Variants in KIAA2012 observed in about 807,000 individuals in gnomAD.
KIAA2012 encodes uncharacterized protein KIAA2012.
KIAA2012 carries 125 observed loss-of-function variants against 150.6 expected under a neutral mutation model. The observed-to-expected ratio is 0.83, with a 90% CI of 0.72 to 0.96. KIAA2012 has a LOEUF of 0.96. Ranked by LOEUF, KIAA2012 falls within the 40% of genes least tolerant of loss-of-function variation. The pLI is 0.00. For synonymous variants in KIAA2012, 462 were observed against 504.7 expected (o/e 0.92, Z 1.13); for missense variants, 1,219 against 1,354.9 (o/e 0.90, Z 1.57).
intron 15 of KIAA2012, among the ~76,000 whole-genome samples, chr2:202,183,935 C>T (rs1417948594): frequency 6.6e-6 from 1 of 152,150 alleles, no homozygotes; most frequent in African/African-American, 2.4e-5. Flanking sequence ...TTATAGAGTT[C>T]TAACACACTA....
chr2:202,119,315 C>T lies in KIAA2012; in HGVS notation c.1762+5869C>T, dbSNP rs373555910. On this transcript the variant is annotated intron_variant, in intron 11 of 23. Transcript: ENST00000498697. ...TAATAGCTTGCTTTGAATCCACTAG[C>T]TATTCATTTTTTGAAGAAAAAATCA... Among the ~76,000 whole-genome samples the T allele has an allele frequency of 2.8e-3, 427 of 152,042 alleles. 11 individuals carry two copies. In the South Asian group the frequency reaches 0.037, roughly 13 times the overall value.
chr2:202,158,188 G>T (rs1029973748), intron 14 of KIAA2012, among the ~76,000 whole-genome samples: 2 of 152,092 alleles, frequency 1.3e-5, no homozygotes, highest in Non-Finnish European at 2.9e-5. Flanking sequence ...TAGAGACGGG[G>T]TTTCACCATG....
intron 10 of KIAA2012, among the ~76,000 whole-genome samples, chr2:202,112,946 G>A (rs933506589): frequency 2.6e-5 from 4 of 152,148 alleles, no homozygotes; most frequent in East Asian, 1.9e-4. Flanking sequence ...TGATGGAGGC[G>A]GACAGCAGAG....
At chr2:202,130,627 A>T (rs554098248) in intron 12 of KIAA2012, among the ~76,000 whole-genome samples, 1 of 152,328 alleles carries the variant, frequency 6.6e-6, no homozygotes, top group South Asian at 2.1e-4. Context: ...AACTATAAAG[A>T]AGCTTAAGGC....
chr2:202,190,558 T>C, intron 19 of KIAA2012, 65 bp downstream of exon 19: 1 of 1,231,316 alleles, frequency 8.1e-7, no homozygotes. Context: ...ACTGCAAAGA[T>C]GGGAAAGCTG....
intron 22 of KIAA2012, 169 bp downstream of exon 22, chr2:202,197,188 G>C: frequency 9.7e-7 from 1 of 1,036,084 alleles, no homozygotes. Context: ...AAATGTCAAG[G>C]ATTCCTTTGT....
chr2:202,181,427 T>A (rs924243423), intron 15 of KIAA2012, among the ~76,000 whole-genome samples: 3 of 151,922 alleles, frequency 2.0e-5, no homozygotes, highest in African/African-American at 7.3e-5. Flanking sequence ...AGAAAAATTT[T>A]AAAACATTAG....
rs184169094 is a variant in KIAA2012 at position 202,113,162 on chromosome 2, C to T, written c.1652-174C>T. On this transcript the variant is annotated intron_variant, in intron 10 of 23. Transcript: ENST00000498697. ...CGGAAGGCAGGGCCTGAACAATAGC[C>T]CTGCTCTGCTGAGTCCCAGGAGTAG... 1.7e-4 allele frequency among the ~76,000 whole-genome samples: 26 copies of T among 152,268 alleles called. No homozygotes were observed. The East Asian group carries it at 4.6e-3, about 27-fold the overall frequency.
intron 8 of KIAA2012, among the ~76,000 whole-genome samples, chr2:202,103,443 AT>A (rs1007595180): frequency 7.9e-5 from 12 of 152,212 alleles, no homozygotes; most frequent in Non-Finnish European, 1.8e-4. Context: ...TTACAAAAAA[AT>A]AATTGTATAA....
rs1575010571 is a variant in KIAA2012 at position 202,099,604 on chromosome 2, G to GT, written c.829-7dup. On this transcript the variant is annotated splice_polypyrimidine_tract_variant and intron_variant, in intron 5 of 23. Coordinates refer to ENST00000498697, the MANE Select transcript of KIAA2012 (RefSeq NM_001277372.4). The stretch of plus-strand genomic sequence containing the variant: ...CTGTTTACAGGAATGTGTATCTGTC[G>GT]TTCCCTAGGACACGTCAATAGAGAA... The GT allele has an allele frequency of 2.6e-6, 4 of 1,543,590 alleles. No individual in the cohort carries two copies. Among genetic ancestry groups the GT allele is most frequent in the Non-Finnish European group, 3.5e-6 (4 of 1,143,258 alleles).
At chr2:202,146,793 T>C (rs1420583654) in intron 13 of KIAA2012, among the ~76,000 whole-genome samples, 1 of 149,712 alleles carries the variant, frequency 6.7e-6, no homozygotes, top group African/African-American at 2.4e-5. Context: ...AGCAAGACTC[T>C]GTCTCAAAAA....
chr2:202,195,020 G>A (rs1417445506), intron 21 of KIAA2012, among the ~76,000 whole-genome samples: 2 of 151,650 alleles, frequency 1.3e-5, no homozygotes, highest in African/African-American at 4.8e-5. Context: ...TGCCTGCCTT[G>A]GCCTCCCAAA....
At chr2:202,172,638 C>T (rs967247351) in intron 15 of KIAA2012, among the ~76,000 whole-genome samples, 2 of 152,228 alleles carry the variant, frequency 1.3e-5, no homozygotes, top group African/African-American at 4.8e-5. Flanking sequence ...TTTCCTTGGG[C>T]AGTTTCCAGC....
intron 14 of KIAA2012, among the ~76,000 whole-genome samples, chr2:202,163,770 T>G (rs1442246984): frequency 6.7e-6 from 1 of 150,178 alleles, no homozygotes; most frequent in Non-Finnish European, 1.5e-5. Flanking sequence ...TCCTTTCCAT[T>G]TATTCAGGGA....
chr2:202,162,333 GTT>G (rs1559224862), intron 14 of KIAA2012, among the ~76,000 whole-genome samples: 372 of 152,174 alleles, frequency 2.4e-3, no homozygotes, highest in African/African-American at 8.4e-3. Context: ...GGAGTGCAGT[GTT>G]GCGATCTCGG....
chr2:202,110,541 C>A (rs967186257), intron 10 of KIAA2012, among the ~76,000 whole-genome samples: 3 of 152,182 alleles, frequency 2.0e-5, no homozygotes, highest in Non-Finnish European at 4.4e-5. Flanking sequence ...GCTTGGCCTG[C>A]TTTCTCAGTT....
At chr2:202,110,523 C>T (rs1159977032) in intron 10 of KIAA2012, among the ~76,000 whole-genome samples, 1 of 152,200 alleles carries the variant, frequency 6.6e-6, no homozygotes, top group Non-Finnish European at 1.5e-5. Flanking sequence ...GTTTCTGCTT[C>T]GTTGAAGGCT....
chr2:202,168,753 T>C lies in KIAA2012; in HGVS notation c.2119+3397T>C, dbSNP rs539119954. Among the ~76,000 whole-genome samples the C allele has an allele frequency of 2.0e-5, 3 of 152,248 alleles. No individual in the cohort carries two copies. In the South Asian group the frequency reaches 6.2e-4, roughly 32 times the overall value. ...TCCTTGGGACATGACAGAACTGCTT[T>C]AAGAGTCTTAGGAGGAGTGAGAGAT... is the stretch of plus-strand genomic sequence containing the variant. On this transcript the variant is annotated intron_variant, in intron 15 of 23. Coordinates refer to ENST00000498697, the MANE Select transcript of KIAA2012 (RefSeq NM_001277372.4).
In KIAA2012 at chr2:202,150,422, T is replaced by C. The variant is rs147171220; in HGVS notation, c.1909-4251T>C. Among the ~76,000 whole-genome samples, 17 of 151,346 alleles carry C rather than the reference T, an allele frequency of 1.1e-4. No individual in the cohort carries two copies. The East Asian group carries it at 3.1e-3, about 28-fold the overall frequency. On this transcript the variant is annotated intron_variant, in intron 13 of 23. Transcript: ENST00000498697. ...TTTGGTTTGTTTGTTTGGTGTGGGGTTTTTTTGTTTGTTTTTTTGTTTTTT... is the reference window on the plus strand; with the variant it reads ...TTTGGTTTGTTTGTTTGGTGTGGGGCTTTTTTGTTTGTTTTTTTGTTTTTT...
Sources: allele counts gnomAD v4.1 joint callset (sites outside exome capture counted in the v4.1 genomes callset), GRCh38; gene constraint gnomAD v4.1.1; transcripts MANE v1.5; gene names NCBI Gene and HGNC (gene_info 2026-07-23, HGNC 2026-07-21).